Variants in SLC24A2 observed in about 807,000 individuals in gnomAD.
SLC24A2 encodes solute carrier family 24 member 2.
A neutral mutation model predicts 62.0 loss-of-function variants in SLC24A2; 36 were observed. That is an observed-to-expected ratio of 0.58 (90% confidence interval 0.44 to 0.77). The LOEUF (loss-of-function observed/expected upper bound fraction) is 0.77, where lower values mean the gene tolerates loss of function less well. Among genes scored for constraint, SLC24A2 ranks in the 30% least tolerant of loss-of-function variants. The pLI is 0.00. For synonymous variants in SLC24A2, 358 were observed against 294.0 expected (o/e 1.22, Z -2.23); for missense variants, 846 against 817.9 (o/e 1.03, Z -0.42).
chr9:20,247,976 C>T, the SLC24A2 span, among the ~76,000 whole-genome samples: 3 of 152,158 alleles, frequency 2.0e-5, no homozygotes, highest in Non-Finnish European at 4.4e-5. Context: ...ATGGAATGCC[C>T]TCAATAAATA....
intron 2 of SLC24A2, among the ~76,000 whole-genome samples, chr9:19,695,464 T>A (rs1336836613): frequency 6.6e-6 from 1 of 151,896 alleles, no homozygotes; most frequent in African/African-American, 2.4e-5. Flanking sequence ...AAAAAAAGTA[T>A]TGGAGAAAAC....
At chr9:20,275,676 A>G in the SLC24A2 span, among the ~76,000 whole-genome samples, 2 of 152,226 alleles carry the variant, frequency 1.3e-5, no homozygotes, top group African/African-American at 2.4e-5. Flanking sequence ...CATCTTTGAA[A>G]TTCTACGTGT....
chr9:19,690,952 A>G (rs1227437528), intron 2 of SLC24A2, among the ~76,000 whole-genome samples: 3 of 151,532 alleles, frequency 2.0e-5, no homozygotes, highest in African/African-American at 7.3e-5. Context: ...AGAGAGACAG[A>G]GAGAGAATGT....
chr9:19,547,869 A>G (rs763523497), intron 8 of SLC24A2, among the ~76,000 whole-genome samples: 1 of 151,772 alleles, frequency 6.6e-6, no homozygotes, highest in Admixed American at 6.5e-5. Context: ...CAATGCAAGC[A>G]TATCTTAGAA....
chr9:19,709,383 G>A (rs534656139), intron 2 of SLC24A2, among the ~76,000 whole-genome samples: 1 of 152,158 alleles, frequency 6.6e-6, no homozygotes, highest in Non-Finnish European at 1.5e-5. Context: ...AATACCATTT[G>A]ACCCAGCCAT....
At chr9:19,924,127 G>A in the SLC24A2 span, among the ~76,000 whole-genome samples, 4 of 152,218 alleles carry the variant, frequency 2.6e-5, no homozygotes, top group African/African-American at 9.7e-5. Flanking sequence ...GAGCAGAGCA[G>A]CTGGCTGTAC....
chr9:20,281,934 C>G, the SLC24A2 span, among the ~76,000 whole-genome samples: 151,840 of 152,316 alleles, frequency 1, 75,682 homozygotes, highest in Middle Eastern at 1. Context: ...CTTTGTTGAA[C>G]ACTGGCACAT....
intron 2 of SLC24A2, among the ~76,000 whole-genome samples, chr9:19,753,246 T>C (rs1822038391): frequency 6.6e-6 from 1 of 152,188 alleles, no homozygotes. Context: ...ACCACCTCTC[T>C]CAACCAGTGC....
At chr9:20,022,433 A>T in the SLC24A2 span, among the ~76,000 whole-genome samples, 1 of 152,348 alleles carries the variant, frequency 6.6e-6, no homozygotes, top group East Asian at 1.9e-4. Context: ...CAATTATGCA[A>T]CTTGCCCAAG....
the SLC24A2 span, among the ~76,000 whole-genome samples, chr9:20,007,877 C>CTTTTTTT: frequency 1.3e-5 from 1 of 79,506 alleles, no homozygotes; most frequent in African/African-American, 5.5e-5. Context: ...TCTTACTCCT[C>CTTTTTTT]TCTTTTTTTT....
the SLC24A2 span, among the ~76,000 whole-genome samples, chr9:19,836,917 G>T: frequency 6.6e-5 from 10 of 152,252 alleles, no homozygotes; most frequent in South Asian, 1.9e-3. Context: ...TGCAAGCCTG[G>T]TTCAACATAT....
At chr9:20,243,209 A>C in the SLC24A2 span, among the ~76,000 whole-genome samples, 1 of 151,730 alleles carries the variant, frequency 6.6e-6, no homozygotes, top group Non-Finnish European at 1.5e-5. Context: ...CACAATTTTT[A>C]AAAAAATTAT....
chr9:20,040,213 G>C, the SLC24A2 span, among the ~76,000 whole-genome samples: 7 of 152,222 alleles, frequency 4.6e-5, no homozygotes, highest in Middle Eastern at 3.4e-3. Flanking sequence ...ATTTTTTGTT[G>C]TTGTTAGTGT....
chr9:20,081,680 C>T, the SLC24A2 span, among the ~76,000 whole-genome samples: 207 of 152,130 alleles, frequency 1.4e-3, no homozygotes, highest in Non-Finnish European at 3.1e-4. Context: ...GCATGTGTTA[C>T]CTAATTCTCT....
At chr9:20,166,089 T>A in the SLC24A2 span, among the ~76,000 whole-genome samples, 2 of 151,922 alleles carry the variant, frequency 1.3e-5, no homozygotes, top group African/African-American at 2.4e-5. Flanking sequence ...ATATAATTTA[T>A]CACCCATCAG....
the SLC24A2 span, among the ~76,000 whole-genome samples, chr9:19,896,775 C>G: frequency 2.6e-5 from 4 of 152,170 alleles, no homozygotes; most frequent in African/African-American, 9.7e-5. Flanking sequence ...CTTAGCTTTG[C>G]TGTGCCTCTA....
the SLC24A2 span, among the ~76,000 whole-genome samples, chr9:19,828,917 G>A: frequency 6.6e-6 from 1 of 152,072 alleles, no homozygotes; most frequent in African/African-American, 2.4e-5. Flanking sequence ...TCTAGGTGGG[G>A]CTATTTTAAC....
the SLC24A2 span, among the ~76,000 whole-genome samples, chr9:20,119,208 A>G: frequency 6.6e-6 from 1 of 152,190 alleles, no homozygotes; most frequent in African/African-American, 2.4e-5. Context: ...CAACGAGAAT[A>G]TAGCATGGCC....
chr9:19,636,326 T>TC lies in SLC24A2; in HGVS notation c.931-14028dup, dbSNP rs1554690402. Among the ~76,000 whole-genome samples the TC allele has an allele frequency of 1.6e-3, 43 of 26,894 alleles. 1 individual carries two copies. Among genetic ancestry groups the TC allele is most frequent in the African/African-American group, 5.9e-3 (36 of 6,072 alleles). 17.6% of individuals were successfully genotyped at this position (26,894 alleles called of 152,430 possible). A position where few individuals can be genotyped will look rare whatever the true frequency, so the allele number is the denominator to read the frequency against. On this transcript the variant is annotated intron_variant, in intron 2 of 10. Coordinates refer to ENST00000341998, the MANE Select transcript of SLC24A2 (RefSeq NM_020344.4). ...TTTCTTTTCTTTTCTTTTCTTTCTT[T>TC]CTTTCTTTCTTTCTTTCTTTCTTTC...
Sources: gnomAD v4.1 joint callset for allele counts (sites outside exome capture counted in the v4.1 genomes callset) on GRCh38, gnomAD v4.1.1 for gene constraint, MANE v1.5 for transcripts, NCBI Gene and HGNC (gene_info 2026-07-23, HGNC 2026-07-21) for gene names.